NAV2: variants seen among roughly 807,000 people sequenced by gnomAD.
The protein encoded by NAV2 is neuron navigator 2.
In NAV2, 54 loss-of-function variants were observed where a neutral mutation model predicts 223.2. That is an observed-to-expected ratio of 0.24 (90% CI 0.19 to 0.30). The LOEUF is 0.30. Among genes scored for constraint, NAV2 ranks in the 10% least tolerant of loss-of-function variants. The pLI, the probability that NAV2 is intolerant of heterozygous loss-of-function variation, is 1.00. For missense variants in NAV2, 2,806 were observed against 3,147.5 expected, an observed-to-expected ratio of 0.89 and a Z score of 2.60; for synonymous variants, 1,279 against 1,239.3, an observed-to-expected ratio of 1.03 and a Z score of -0.67.
chr11:19,868,983 G>T lies in NAV2; in HGVS notation c.497G>T (p.Gly166Val). Residue 166 changes from glycine (G) to valine (V), a missense_variant, in exon 4 of 38, where the codon GGG (glycine) becomes GTG (valine). Gly to Val is a moderately radical substitution (Grantham distance 109, BLOSUM62 -3). Coordinates refer to ENST00000349880, the MANE Select transcript of NAV2 (RefSeq NM_145117.5). ...FLAAKGINIQ[G>V]LSAEEIRNGN... ...GCAGCTAAGGGAATAAACATCCAGG[G>T]GCTGTCTGCAGAAGGTGAGTCAGAG... is the stretch of plus-strand genomic sequence containing the variant. 6.2e-7 allele frequency: 1 copy of T among 1,613,944 alleles called. No homozygotes were observed. Among genetic ancestry groups the T allele is most frequent in the Non-Finnish European group, 8.5e-7 (1 of 1,179,914 alleles).
chr11:20,043,942 G>A, intron 12 of NAV2, 39 bp from the exon 13 acceptor site: 6 of 1,591,140 alleles, frequency 3.8e-6, no homozygotes, highest in Non-Finnish European at 5.2e-6. Flanking sequence ...CCCAGCCTGG[G>A]ACTGGGGAAG....
chr11:19,740,182 T>C (rs1258383053), intron 1 of NAV2, among the ~76,000 whole-genome samples: 1 of 152,100 alleles, frequency 6.6e-6, no homozygotes, highest in Non-Finnish European at 1.5e-5. Flanking sequence ...AAACTGTACT[T>C]ATTCATGATG....
chr11:19,747,218 C>T (rs896768010), intron 1 of NAV2, among the ~76,000 whole-genome samples: 5 of 151,788 alleles, frequency 3.3e-5, no homozygotes, highest in Admixed American at 6.6e-5. Flanking sequence ...ATAAAGGACA[C>T]GAACTCATCA....
At chr11:19,352,828 G>A (rs1432099415) in intron 1 of NAV2, among the ~76,000 whole-genome samples, 1 of 152,134 alleles carries the variant, frequency 6.6e-6, no homozygotes, top group African/African-American at 2.4e-5. Flanking sequence ...GTTCCACATT[G>A]CCCAGAGTAC....
At chr11:19,820,957 C>T (rs1176635620) in intron 1 of NAV2, among the ~76,000 whole-genome samples, 2 of 152,100 alleles carry the variant, frequency 1.3e-5, no homozygotes, top group South Asian at 4.2e-4. Context: ...AAGTATGAAA[C>T]GGGGCATTGA....
intron 26 of NAV2, among the ~76,000 whole-genome samples, chr11:20,087,579 A>G (rs566151040): frequency 7.2e-4 from 110 of 152,308 alleles, no homozygotes; most frequent in Non-Finnish European, 1.1e-3. Context: ...AAAATTAGGT[A>G]TGCCACCAGC....
rs114946529 is a variant in NAV2 at position 20,083,971 on chromosome 11, C to T, written c.5498+792C>T. ...TTAAGGCCCTGCCTTAGCAGCTTAC[C>T]AGATGGGTAGAGGGAGTACAGGCAA... On this transcript the variant is annotated intron_variant, in intron 26 of 37. Coordinates refer to ENST00000349880, the MANE Select transcript of NAV2 (RefSeq NM_145117.5). Among the ~76,000 whole-genome samples the T allele has an allele frequency of 5.8e-3, 884 of 152,312 alleles. 8 individuals carry two copies. The highest frequency in any genetic ancestry group is 0.02 in the African/African-American group (841 of 41,550).
chr11:19,798,181 A>G (rs1291280488), intron 1 of NAV2, among the ~76,000 whole-genome samples: 2 of 152,198 alleles, frequency 1.3e-5, no homozygotes, highest in African/African-American at 2.4e-5. Flanking sequence ...TTGATGGTTC[A>G]TCTAGGAGAT....
At chr11:19,877,472 T>TTTTTTTTTCTTTCTTTTTTCTTTTC (rs2062916257) in intron 4 of NAV2, among the ~76,000 whole-genome samples, 9 of 117,838 alleles carry the variant, frequency 7.6e-5, no homozygotes, top group African/African-American at 3.2e-4. Context: ...TCTTCATTCT[T>TTTTTTTTTCTTTCTTTTTTCTTTTC]TTTTTTTTTT....
At position 20,119,078 on chromosome 11, in the gene NAV2, T is replaced by C. The variant is rs1452931213; in HGVS notation, c.*820T>C. The C allele has an allele frequency of 6.6e-6, 1 of 152,026 alleles. No individual in the cohort carries two copies. The highest frequency in any genetic ancestry group is 1.5e-5 in the Non-Finnish European group (1 of 68,008). The allele number at this position is 152,026 out of a possible 1,614,324, so 9.4% of individuals were successfully genotyped here. A position where few individuals can be genotyped will look rare whatever the true frequency, so the allele number is the denominator to read the frequency against. On this transcript the variant is annotated 3_prime_UTR_variant, in exon 38 of 38. Coordinates refer to ENST00000349880, the MANE Select transcript of NAV2 (RefSeq NM_145117.5). ...GAATGAATCAGGTTTTTTTTTTTTT[T>C]TTTCTGCAAACACTGTGTATAGTGA...
In NAV2 at chr11:20,011,956, A is replaced by C. The variant is rs559762008; in HGVS notation, c.2769-24003A>C. 2.0e-5 allele frequency among the ~76,000 whole-genome samples: 3 copies of C among 152,364 alleles called. No individual in the cohort carries two copies. In the East Asian group the frequency reaches 5.8e-4, roughly 29 times the overall value. On this transcript the variant is annotated intron_variant, in intron 11 of 37. Transcript: ENST00000349880. ...GGGCTGCCAATAAAGCTTGTATTCT[A>C]TATTTCCCTTATAATTCTGACATTT...
intron 1 of NAV2, among the ~76,000 whole-genome samples, chr11:19,769,931 C>A (rs1386971317): frequency 1.3e-5 from 2 of 152,098 alleles, no homozygotes; most frequent in African/African-American, 2.4e-5. Flanking sequence ...AAATTGCTAA[C>A]CTTAATCCCT....
At chr11:19,846,774 C>T (rs947324572) in intron 3 of NAV2, among the ~76,000 whole-genome samples, 7 of 152,198 alleles carry the variant, frequency 4.6e-5, no homozygotes, top group East Asian at 1.9e-4. Flanking sequence ...TGCCGCCCTC[C>T]TCTTGGCCCT....
At chr11:19,845,903 G>A (rs1367476556) in intron 3 of NAV2, among the ~76,000 whole-genome samples, 1 of 152,154 alleles carries the variant, frequency 6.6e-6, no homozygotes, top group Admixed American at 6.5e-5. Flanking sequence ...GTGAGATGCT[G>A]GACTAGGCCA....
chr11:19,915,532 G>A (rs566776228), intron 6 of NAV2, among the ~76,000 whole-genome samples: 12 of 152,094 alleles, frequency 7.9e-5, no homozygotes, highest in Non-Finnish European at 1.5e-4. Flanking sequence ...TCTTATAATC[G>A]GCCTCTGCCA....
chr11:19,744,566 A>ATT (rs35247270), intron 1 of NAV2, among the ~76,000 whole-genome samples: 58,410 of 151,078 alleles, frequency 0.39, 13,110 homozygotes, highest in East Asian at 0.6. Context: ...ATATCTGTGG[A>ATT]TTTTTTTTTT....
chr11:19,368,889 C>T (rs1282491861), intron 1 of NAV2, among the ~76,000 whole-genome samples: 2 of 152,166 alleles, frequency 1.3e-5, no homozygotes, highest in Non-Finnish European at 2.9e-5. Flanking sequence ...AGACATGGCT[C>T]AGATTAACGT....
At chr11:20,010,799 T>C (rs180986720) in intron 11 of NAV2, among the ~76,000 whole-genome samples, 1 of 152,294 alleles carries the variant, frequency 6.6e-6, no homozygotes, top group African/African-American at 2.4e-5. Flanking sequence ...TTAGGTAAAT[T>C]AATACCTGGG....
chr11:19,701,879 A>C (rs1418039018), intron 1 of NAV2, among the ~76,000 whole-genome samples: 1 of 152,194 alleles, frequency 6.6e-6, no homozygotes, highest in Non-Finnish European at 1.5e-5. Flanking sequence ...TCAAATCTTC[A>C]CACAACTTCA....
Sources: allele counts gnomAD v4.1 joint callset (sites outside exome capture counted in the v4.1 genomes callset), GRCh38; gene constraint gnomAD v4.1.1; transcripts MANE v1.5; gene names NCBI Gene and HGNC (gene_info 2026-07-23, HGNC 2026-07-21).